The following RNF17 variants were observed in gnomAD, a reference collection of about 807,000 sequenced individuals.
RNF17 encodes spermatogenesis associated 23.
A neutral mutation model predicts 200.5 loss-of-function variants in RNF17; 31 were observed. That is an observed-to-expected ratio of 0.15 (90% CI 0.12 to 0.21). The LOEUF is 0.21. Among genes scored for constraint, RNF17 ranks in the 10% least tolerant of loss-of-function variants. The pLI is 1.00. For synonymous variants in RNF17, 606 were observed against 637.8 expected, an observed-to-expected ratio of 0.95 and a Z score of 0.75; for missense variants, 1,628 against 1,905.1, an observed-to-expected ratio of 0.85 and a Z score of 2.71.
At chr13:24,873,031 G>A (rs2138433903) in intron 32 of RNF17, among the ~76,000 whole-genome samples, 1 of 152,184 alleles carries the variant, frequency 6.6e-6, no homozygotes. Flanking sequence ...CAGTTAAGGT[G>A]TACCATTAAA....
intron 15 of RNF17, among the ~76,000 whole-genome samples, chr13:24,818,138 T>C (rs1206468089): frequency 2.6e-5 from 4 of 152,322 alleles, no homozygotes; most frequent in African/African-American, 9.6e-5. Flanking sequence ...ATTTCTTCTT[T>C]GACCTGTTGG....
At chr13:24,799,707 A>G (rs1173121732) in intron 12 of RNF17, 123 bp downstream of exon 12, 7 of 625,282 alleles carry the variant, frequency 1.1e-5, no homozygotes, top group African/African-American at 1.9e-5. Context: ...CTTCCAAGAC[A>G]TACGTTTTAT....
chr13:24,789,837 C>T (rs766666513), intron 9 of RNF17, 65 bp downstream of exon 9: 2 of 902,150 alleles, frequency 2.2e-6, no homozygotes, highest in African/African-American at 1.7e-5. Flanking sequence ...ATCTAAGAGA[C>T]AGAAGAATTG....
chr13:24,778,230 C>G (rs1881845997), intron 3 of RNF17, 65 bp from the exon 4 acceptor site: 1 of 1,119,240 alleles, frequency 8.9e-7, no homozygotes, highest in Non-Finnish European at 1.3e-6. Context: ...CCACTGCACT[C>G]TGGCCTGGGT....
At chr13:24,882,545 A>T (rs1953890832), downstream of RNF17, 1 of 152,886 alleles carries the variant, frequency 6.5e-6, no homozygotes, top group African/African-American at 2.4e-5. Context: ...GTCATCGTTC[A>T]TGCCCCCCTC....
rs532291340 is a variant in RNF17, at chr13:24,840,778, G to A, written c.2483-1263G>A. Among the ~76,000 whole-genome samples the A allele has an allele frequency of 3.3e-5, 5 of 152,070 alleles. No individual in the cohort carries two copies. The South Asian group carries it at 8.3e-4, about 25-fold the overall frequency. ...GCGAAGGATAAAAGACTACAAATAC[G>A]GTGCAGTATATACTGTTTGGGTGAT... is the stretch of plus-strand genomic sequence containing the variant. On this transcript the variant is annotated intron_variant, in intron 18 of 35. Transcript: ENST00000255324.
intron 22 of RNF17, among the ~76,000 whole-genome samples, chr13:24,849,309 A>G (rs926509810): frequency 2.0e-5 from 3 of 152,184 alleles, no homozygotes; most frequent in Admixed American, 2.0e-4. Context: ...ATTCTTGGAG[A>G]TAGATTTGCT....
intron 15 of RNF17, among the ~76,000 whole-genome samples, chr13:24,824,591 G>C (rs1040985057): frequency 1.3e-5 from 2 of 151,982 alleles, no homozygotes. Flanking sequence ...AAACTTTTTT[G>C]ATTATAATAG....
rs1847903326 is a variant in RNF17, at chr13:24,796,386, A to G, written c.1399+91A>G. 1.7e-5 allele frequency: 14 copies of G among 818,566 alleles called. 1 individual carries two copies. In the South Asian group the frequency reaches 3.2e-4, roughly 19 times the overall value. 50.7% of individuals were successfully genotyped at this position (818,566 alleles called of 1,614,324 possible). A position where few individuals can be genotyped will look rare whatever the true frequency, so the allele number is the denominator to read the frequency against. ...CCACATAAGACTTGTTATAATATAG[A>G]TTTTTGCTCTAAGTTCATTTGTAGT... On this transcript the variant is annotated intron_variant, in intron 11 of 35. Transcript: ENST00000255324.
chr13:24,882,079 GATA>G (rs1566273246), downstream of RNF17, among the ~76,000 whole-genome samples: 1,659 of 20,598 alleles, frequency 0.081, 404 homozygotes, highest in Non-Finnish European at 0.13. Context: ...TAGATATATA[GATA>G]CATCTATATA....
intron 6 of RNF17, among the ~76,000 whole-genome samples, chr13:24,783,457 A>G (rs1419406570): frequency 6.6e-6 from 1 of 152,178 alleles, no homozygotes; most frequent in African/African-American, 2.4e-5. Flanking sequence ...ATTGCATTGA[A>G]TTGTAGATCA....
intron 25 of RNF17, among the ~76,000 whole-genome samples, chr13:24,854,968 C>G (rs1221388295): frequency 6.6e-6 from 1 of 152,126 alleles, no homozygotes; most frequent in Non-Finnish European, 1.5e-5. Flanking sequence ...GTTTTGCCAC[C>G]CCAGATACAG....
intron 18 of RNF17, among the ~76,000 whole-genome samples, chr13:24,832,983 C>T (rs945539557): frequency 2.6e-5 from 4 of 152,060 alleles, no homozygotes; most frequent in Non-Finnish European, 4.4e-5. Context: ...TGGGCTCAAG[C>T]GATCCTCCCT....
At chr13:24,818,462 A>G (rs922231425) in intron 15 of RNF17, among the ~76,000 whole-genome samples, 4 of 152,132 alleles carry the variant, frequency 2.6e-5, no homozygotes, top group African/African-American at 9.7e-5. Context: ...TGTTTTATGC[A>G]CTATTGAAAG....
At chr13:24,832,726 G>A (rs184736263) in intron 18 of RNF17, among the ~76,000 whole-genome samples, 1 of 152,130 alleles carries the variant, frequency 6.6e-6, no homozygotes. Context: ...TTTAGATAGG[G>A]GGATTGGGAA....
At chr13:24,779,513 T>A (rs1169083986) in intron 4 of RNF17, among the ~76,000 whole-genome samples, 154 bp from the exon 5 acceptor site, 1 of 152,216 alleles carries the variant, frequency 6.6e-6, no homozygotes, top group Non-Finnish European at 1.5e-5. Flanking sequence ...GGATTGAATG[T>A]TATTTTTGTT....
chr13:24,749,034 G>A, the RNF17 span, among the ~76,000 whole-genome samples: 15 of 152,264 alleles, frequency 9.9e-5, no homozygotes, highest in Admixed American at 2.6e-4. Flanking sequence ...GATTACAGGC[G>A]TGAGTCACTG....
At chr13:24,797,412 C>G (rs528838535) in intron 11 of RNF17, among the ~76,000 whole-genome samples, 1 of 152,032 alleles carries the variant, frequency 6.6e-6, no homozygotes, top group Non-Finnish European at 1.5e-5. Context: ...TCATGAAGAA[C>G]AGTAAATGGC....
At chr13:24,883,165 A>G (rs1182240758), downstream of RNF17, 6 of 1,609,550 alleles carry the variant, frequency 3.7e-6, no homozygotes, top group Non-Finnish European at 5.1e-6. Flanking sequence ...CTTCATGATC[A>G]CATGAGGATC....
Sources: gnomAD v4.1 joint callset for allele counts (sites outside exome capture counted in the v4.1 genomes callset) on GRCh38, gnomAD v4.1.1 for gene constraint, MANE v1.5 for transcripts, NCBI Gene and HGNC (gene_info 2026-07-23, HGNC 2026-07-21) for gene names.